The following NOTCH4 variants were observed in gnomAD, a reference collection of about 807,000 sequenced individuals.
NOTCH4 encodes the protein notch receptor 4, also known as neurogenic locus notch homolog protein 4.
Under a neutral mutation model 189.0 loss-of-function variants are expected in NOTCH4, and 138 were observed. The observed-to-expected ratio is 0.73, with a 90% confidence interval of 0.64 to 0.84. The LOEUF (loss-of-function observed/expected upper bound fraction) is 0.84. NOTCH4 is among the 40% of genes least tolerant of loss of function. NOTCH4 has a pLI of 0.00. For missense variants in NOTCH4, 2,286 were observed against 2,605.4 expected, an observed-to-expected ratio of 0.88 and a Z score of 2.67; for synonymous variants, 942 against 1,032.8, an observed-to-expected ratio of 0.91 and a Z score of 1.69.
intron 13 of NOTCH4, 108 bp from the exon 14 acceptor site, chr6:32,213,948 C>G: frequency 6.8e-7 from 1 of 1,468,958 alleles, no homozygotes; most frequent in East Asian, 2.3e-5. Context: ...ATTATTCTTT[C>G]CCATCAACCT....
chr6:32,198,668 T>C lies in NOTCH4; in HGVS notation c.4598A>G (p.Glu1533Gly). The change falls in exon 25 of 30, where the codon GAG becomes GGG. Residue 1533 changes from glutamate (E) to glycine (G), a missense_variant. Glu to Gly is a moderately conservative substitution (Grantham distance 98, BLOSUM62 -2). Around this residue, in one of 2 missense-constraint regions of NOTCH4, gnomAD observed 1,903 missense variants for 2,261.9 expected, o/e 0.84. Transcript: ENST00000375023. This position sits in a 1 kb window ranked among gnomAD's most constrained non-coding sequence, Gnocchi z 5.5. ...DGVVMCSGPEEGEEVGQAEET... is the reference protein window; with the variant it reads ...DGVVMCSGPEGGEEVGQAEET... Reference sequence around the variant, plus strand: ...TTTCACCTGGCCCACCTCCTCTCCCTCCTCAGGGCCTGAGCACATCACAAC... The same window carrying C: ...TTTCACCTGGCCCACCTCCTCTCCCCCCTCAGGGCCTGAGCACATCACAAC... 1 of 1,612,550 alleles carries C rather than the reference T, an allele frequency of 6.2e-7. No homozygotes were observed. Among genetic ancestry groups the C allele is most frequent in the Non-Finnish European group, 8.5e-7 (1 of 1,179,768 alleles).
At chr6:32,196,204 G>T (rs1249911004) in intron 29 of NOTCH4, 54 bp from the exon 30 acceptor site, 8 of 1,601,852 alleles carry the variant, frequency 5.0e-6, no homozygotes, top group Non-Finnish European at 6.8e-6. Context: ...ACAGGACTGG[G>T]CCTTTCTGCC....
In NOTCH4 at chr6:32,214,118, C is replaced by A. The variant is rs1344815555; in HGVS notation, c.2159G>T (p.Gly720Val). Residue 720 changes from glycine to valine, a missense_variant, in exon 13 of 30, where the codon GGC becomes GTC. This residue lies in a region of NOTCH4 where 1,903 missense variants were observed against 2,261.9 expected (regional missense o/e 0.84). Transcript: ENST00000375023. Reference protein sequence around the residue: ...PSGYNCTCPTGYTGPTCSEEM... With the variant: ...PSGYNCTCPTVYTGPTCSEEM... Reference sequence around the variant, plus strand: ...TTTAGGGAGGGTCTCACCTGTGTAGCCTGTAGGGCAGGTGCAGTTGTAGCC... The same window carrying A: ...TTTAGGGAGGGTCTCACCTGTGTAGACTGTAGGGCAGGTGCAGTTGTAGCC... The A allele has an allele frequency of 1.9e-6, 3 of 1,611,958 alleles. No homozygotes were observed. The highest frequency in any genetic ancestry group is 1.3e-5 in the African/African-American group (1 of 74,778).
Position 32,210,694 on chromosome 6 carries a change from T to C in NOTCH4, c.2865+58A>G. 6.5e-7 allele frequency: 1 copy of C among 1,541,314 alleles called. No individual in the cohort carries two copies. The highest frequency in any genetic ancestry group is 8.9e-7 in the Non-Finnish European group (1 of 1,117,792). ...TTGGGTCTTCCCTCAGTCACTACTG[T>C]CTCTCCCATCCAGCCCACCCTTGTC... On this transcript the variant is annotated intron_variant, in intron 18 of 29. Coordinates refer to ENST00000375023, the MANE Select transcript of NOTCH4 (RefSeq NM_004557.4). This position sits in a 1 kb window ranked among gnomAD's most constrained non-coding sequence, Gnocchi z 4.8.
rs1788249421 is a variant in NOTCH4 at position 32,200,197 on chromosome 6, G to A, written c.4315+634C>T. 6.6e-6 allele frequency among the ~76,000 whole-genome samples: 1 copy of A among 151,122 alleles called. No individual in the cohort carries two copies. The highest frequency in any genetic ancestry group is 2.1e-4 in the South Asian group (1 of 4,756). Reference sequence around the variant, plus strand: ...ATGCTTAGAGTAAGGCACAAAGTACGATATAGCAGTTATTTTTCTTTTTTT... The same window carrying A: ...ATGCTTAGAGTAAGGCACAAAGTACAATATAGCAGTTATTTTTCTTTTTTT... On this transcript the variant is annotated intron_variant, in intron 23 of 29. Transcript: ENST00000375023. The surrounding 1 kb of genome is among the most constrained non-coding windows in gnomAD (Gnocchi z 5.0).
In NOTCH4 at chr6:32,201,247, C is replaced by T; in HGVS notation, c.4009G>A (p.Asp1337Asn). ...LWVRKDRDGR[D>N]MVYPYPGARA... ...GCCCCAGGATAGGGGTACACCATGT[C>T]CCTGCCATCACGATCCTTCCTTACC... The change falls in exon 22 of 30, where the codon GAC becomes AAC. Residue 1337 changes from aspartate to asparagine, a missense_variant. Transcript: ENST00000375023. The surrounding 1 kb of genome is among the most constrained non-coding windows in gnomAD (Gnocchi z 5.5). 1.9e-6 allele frequency: 3 copies of T among 1,613,028 alleles called. No individual in the cohort carries two copies. Among genetic ancestry groups the T allele is most frequent in the South Asian group, 2.2e-5 (2 of 91,082 alleles).
intron 7 of NOTCH4, 83 bp from the exon 8 acceptor site, chr6:32,219,869 G>T: frequency 8.4e-7 from 1 of 1,195,586 alleles, no homozygotes; most frequent in Non-Finnish European, 1.2e-6. Flanking sequence ...AGGTGTGGGG[G>T]CCTGCGTGTG....
chr6:32,201,281 T>C lies in NOTCH4; in HGVS notation c.3975A>G (p.Val1325=), dbSNP rs1788335324. ...LARVLSLTLR[V]GLWVRKDRDG... The stretch of plus-strand genomic sequence containing the variant: ...CACGATCCTTCCTTACCCAGAGTCC[T>C]ACCCTCAGAGTCAGGGACAGCACCC... The change falls in exon 22 of 30, where the codon GTA becomes GTG. Residue 1325 remains valine, a synonymous_variant. Coordinates refer to ENST00000375023, the MANE Select transcript of NOTCH4 (RefSeq NM_004557.4). The surrounding 1 kb of genome is among the most constrained non-coding windows in gnomAD (Gnocchi z 5.5). 6.2e-7 allele frequency: 1 copy of C among 1,612,904 alleles called. No homozygotes were observed. The highest frequency in any genetic ancestry group is 1.1e-5 in the South Asian group (1 of 91,082).
In NOTCH4 at chr6:32,195,961, T is replaced by C; in HGVS notation, c.5488A>G (p.Lys1830Glu). Reference protein sequence around the residue: ...EGAGPPEARHKATPGREAGPF... With the variant: ...EGAGPPEARHEATPGREAGPF... ...CCAGCCTCGCGGCCCGGCGTGGCTTTGTGACGGGCCTCTGGTGGCCCAGCC... is the reference window on the plus strand; with the variant it reads ...CCAGCCTCGCGGCCCGGCGTGGCTTCGTGACGGGCCTCTGGTGGCCCAGCC... Residue 1830 changes from lysine (K) to glutamate (E), a missense_variant, in exon 30 of 30, where the codon AAA becomes GAA. Lys to Glu is a moderately conservative substitution (Grantham distance 56). Around this residue, in one of 2 missense-constraint regions of NOTCH4, gnomAD observed 383 missense variants for 343.5 expected, o/e 1.11. Coordinates refer to ENST00000375023, the MANE Select transcript of NOTCH4 (RefSeq NM_004557.4). The surrounding 1 kb of genome is among the most constrained non-coding windows in gnomAD (Gnocchi z 5.4). The C allele has an allele frequency of 6.3e-7, 1 of 1,596,212 alleles. No individual in the cohort carries two copies. Among genetic ancestry groups the C allele is most frequent in the Non-Finnish European group, 8.5e-7 (1 of 1,178,106 alleles).
rs1788090288 is a variant in NOTCH4, at chr6:32,198,378, A to G, written c.4756+43T>C. 1 of 1,564,682 alleles carries G rather than the reference A, an allele frequency of 6.4e-7. No individual in the cohort carries two copies. Among genetic ancestry groups the G allele is most frequent in the Admixed American group, 2.0e-5 (1 of 51,036 alleles). On this transcript the variant is annotated intron_variant, in intron 26 of 29. Coordinates refer to ENST00000375023, the MANE Select transcript of NOTCH4 (RefSeq NM_004557.4). This position sits in a 1 kb window ranked among gnomAD's most constrained non-coding sequence, Gnocchi z 5.5. ...GGACTCTCTGATTCTAATAGGGTCAAAGGACTTTTTTTTTTTTTCTTGGTC... is the reference window on the plus strand; with the variant it reads ...GGACTCTCTGATTCTAATAGGGTCAGAGGACTTTTTTTTTTTTTCTTGGTC...
chr6:32,212,461 C>G lies in NOTCH4; in HGVS notation c.2680+13G>C, dbSNP rs373338034. On this transcript the variant is annotated intron_variant, in intron 17 of 29. Transcript: ENST00000375023. The surrounding 1 kb of genome is among the most constrained non-coding windows in gnomAD (Gnocchi z 4.4). ...TCTTCATTTGCTCTCCAGTCAGTGC[C>G]GGCGTTGGTTACCTTGGCTCAGTGC... The G allele has an allele frequency of 6.3e-7, 1 of 1,596,268 alleles. No homozygotes were observed. The highest frequency in any genetic ancestry group is 8.5e-7 in the Non-Finnish European group (1 of 1,171,290).
chr6:32,219,475 A>G lies in NOTCH4; in HGVS notation c.1510+117T>C, dbSNP rs966728331. ...TTCGTCTGGGGGTAGAGAGAGAAGC[A>G]TCTGTGGTAACTTACGCCAATTGGC... On this transcript the variant is annotated intron_variant, in intron 8 of 29. Coordinates refer to ENST00000375023, the MANE Select transcript of NOTCH4 (RefSeq NM_004557.4). 7.6e-6 allele frequency: 7 copies of G among 916,294 alleles called. No individual in the cohort carries two copies. The African/African-American group carries it at 1.0e-4, about 13-fold the overall frequency. 56.8% of individuals were successfully genotyped at this position (916,294 alleles called of 1,614,324 possible). A position where few individuals can be genotyped will look rare whatever the true frequency, so the allele number is the denominator to read the frequency against.
Position 32,221,199 on chromosome 6 carries a change from C to T in NOTCH4, c.578G>A (p.Arg193His), listed in dbSNP as rs773283884. The T allele has an allele frequency of 1.9e-5, 31 of 1,612,998 alleles. 1 individual carries two copies. Among genetic ancestry groups the T allele is most frequent in the Admixed American group, 1.8e-4 (11 of 60,008 alleles). The change falls in exon 4 of 30, where the codon CGT becomes CAT. Residue 193 changes from arginine (R) to histidine (H), a missense_variant. Coordinates refer to ENST00000375023, the MANE Select transcript of NOTCH4 (RefSeq NM_004557.4). This position sits in a 1 kb window ranked among gnomAD's most constrained non-coding sequence, Gnocchi z 4.3. ...GTCCTGGAAGCACTCGTTGACATCA[C>T]GTTCACAGGCATGGCCCTCGAAGCC... ...PPGFEGHACE[R>H]DVNECFQDPG...
Position 32,212,808 on chromosome 6 carries a change from C to T in NOTCH4, c.2526+16G>A. The T allele has an allele frequency of 1.3e-6, 2 of 1,515,406 alleles. No individual in the cohort carries two copies. Among genetic ancestry groups the T allele is most frequent in the Non-Finnish European group, 1.8e-6 (2 of 1,129,628 alleles). The allele number at this position is 1,515,406 out of a possible 1,614,324, so 93.9% of individuals were successfully genotyped here. ...CCACTTCCCTCCTCAGCACGCCTGACTTCAATGGCCCTCACCTGGCAGCTG... is the reference window on the plus strand; with the variant it reads ...CCACTTCCCTCCTCAGCACGCCTGATTTCAATGGCCCTCACCTGGCAGCTG... On this transcript the variant is annotated intron_variant, in intron 16 of 29. Transcript: ENST00000375023. The surrounding 1 kb of genome is among the most constrained non-coding windows in gnomAD (Gnocchi z 4.4).
Position 32,212,093 on chromosome 6 carries a change from C to G in NOTCH4, c.2680+381G>C, listed in dbSNP as rs982850873. ...TTTTACAAAGAGGGTGGCGTGACAT[C>G]GAAGTGAGTGGGGTGGGGTGAAATG... On this transcript the variant is annotated intron_variant, in intron 17 of 29. Coordinates refer to ENST00000375023, the MANE Select transcript of NOTCH4 (RefSeq NM_004557.4). This position sits in a 1 kb window ranked among gnomAD's most constrained non-coding sequence, Gnocchi z 4.4. 6.6e-6 allele frequency among the ~76,000 whole-genome samples: 1 copy of G among 152,048 alleles called. No individual in the cohort carries two copies. Among genetic ancestry groups the G allele is most frequent in the Non-Finnish European group, 1.5e-5 (1 of 68,014 alleles).
chr6:32,204,470 G>A, intron 18 of NOTCH4, 81 bp from the exon 19 acceptor site: 1 of 1,499,830 alleles, frequency 6.7e-7, no homozygotes, highest in Non-Finnish European at 9.1e-7. Context: ...AAGATAGTCT[G>A]TCCAGTCCCC....
intron 1 of NOTCH4, among the ~76,000 whole-genome samples, chr6:32,223,457 G>A (rs1213278102): frequency 2.0e-5 from 3 of 152,062 alleles, no homozygotes; most frequent in Non-Finnish European, 4.4e-5. Flanking sequence ...TCCGGGGGGT[G>A]GGGACAGCTG....
chr6:32,196,054 C>T lies in NOTCH4; in HGVS notation c.5395G>A (p.Ala1799Thr), dbSNP rs569812229. 32 of 1,594,140 alleles carry T rather than the reference C, an allele frequency of 2.0e-5. No individual in the cohort carries two copies. The African/African-American group carries it at 3.1e-4, about 15-fold the overall frequency. Reference sequence around the variant, plus strand: ...GCGACGTCCGCCGGCGCTAGCCCAGCCTGGTCCCGCAGCTCTCGGGCTGCC... The same window carrying T: ...GCGACGTCCGCCGGCGCTAGCCCAGTCTGGTCCCGCAGCTCTCGGGCTGCC... ...LGAARELRDQ[A>T]GLAPADVAHQ... Residue 1799 changes from alanine (A) to threonine (T), a missense_variant, in exon 30 of 30, where the codon GCT becomes ACT. Physicochemically the swap from Ala to Thr is moderately conservative, Grantham distance 58. Around this residue, in one of 2 missense-constraint regions of NOTCH4, gnomAD observed 383 missense variants for 343.5 expected, o/e 1.11. Transcript: ENST00000375023.
Position 32,212,782 on chromosome 6 carries a change from GC to G in NOTCH4, c.2526+41del, listed in dbSNP as rs1789106505. ...GTGACCCTCCCTGGTTTCCCTCCCA[GC>G]CACTTCCCTCCTCAGCACGCCTGAC... On this transcript the variant is annotated intron_variant, in intron 16 of 29. Transcript: ENST00000375023. The surrounding 1 kb of genome is among the most constrained non-coding windows in gnomAD (Gnocchi z 4.4). 2.0e-6 allele frequency: 3 copies of G among 1,476,066 alleles called. No individual in the cohort carries two copies. Among genetic ancestry groups the G allele is most frequent in the Non-Finnish European group, 2.7e-6 (3 of 1,104,188 alleles). The allele number at this position is 1,476,066 out of a possible 1,614,324, so 91.4% of individuals were successfully genotyped here.
Sources: gnomAD v4.1 joint callset for allele counts (sites outside exome capture counted in the v4.1 genomes callset) on GRCh38, gnomAD v4.1.1 for gene constraint, gnomAD v4.1.1 regional missense constraint, Gnocchi (gnomAD v3.1) non-coding constraint, MANE v1.5 for transcripts, NCBI Gene and HGNC (gene_info 2026-07-23, HGNC 2026-07-21) for gene names.